AKAP13: variants seen among roughly 807,000 people sequenced by gnomAD.
AKAP13 encodes the protein A-kinase anchoring protein 13, also known as A-kinase anchor protein 13.
In AKAP13, 80 loss-of-function variants were observed where a neutral mutation model predicts 264.5. The ratio of observed to expected loss-of-function variants is 0.30; its 90% confidence interval spans 0.25 to 0.36. The LOEUF is 0.36. Among genes scored for constraint, AKAP13 ranks in the 10% least tolerant of loss-of-function variants. The pLI is 1.00. For missense variants in AKAP13, 3,712 were observed against 3,435.2 expected (o/e 1.08, Z -2.01); for synonymous variants, 1,380 against 1,250.2 (o/e 1.10, Z -2.19).
chr15:85,485,234 G>GT (rs1437406018), intron 1 of AKAP13, among the ~76,000 whole-genome samples: 2 of 152,176 alleles, frequency 1.3e-5, no homozygotes, highest in African/African-American at 4.8e-5. Flanking sequence ...GAGGCAAGCT[G>GT]TAGCCTCCCT....
chr15:85,479,416 A>T (rs1300389117), intron 1 of AKAP13, among the ~76,000 whole-genome samples: 1 of 152,216 alleles, frequency 6.6e-6, no homozygotes, highest in African/African-American at 2.4e-5. Context: ...GATTGACTGT[A>T]GCCCAGTCTT....
chr15:85,598,438 G>T (rs1325684489), intron 8 of AKAP13, among the ~76,000 whole-genome samples: 1 of 152,188 alleles, frequency 6.6e-6, no homozygotes, highest in South Asian at 2.1e-4. Flanking sequence ...ACTTGTCAGC[G>T]GGAGAGGCAT....
intron 35 of AKAP13, 28 bp downstream of exon 35, chr15:85,741,523 C>A: frequency 6.5e-7 from 1 of 1,541,014 alleles, no homozygotes; most frequent in Non-Finnish European, 8.7e-7. Context: ...CGAGAGCAAC[C>A]TAATGATGAT....
At chr15:85,719,786 T>C (rs561640794) in intron 23 of AKAP13, among the ~76,000 whole-genome samples, 2 of 151,738 alleles carry the variant, frequency 1.3e-5, no homozygotes, top group African/African-American at 2.4e-5. Context: ...AATACAAAAA[T>C]TAGCCAGGCG....
intron 5 of AKAP13, among the ~76,000 whole-genome samples, chr15:85,557,539 A>C (rs1038143594): frequency 2.0e-5 from 3 of 152,138 alleles, no homozygotes; most frequent in Non-Finnish European, 2.9e-5. Flanking sequence ...GTTGGAGTGC[A>C]GTGGCCCAGT....
At chr15:85,649,790 G>T (rs2082721183) in intron 10 of AKAP13, among the ~76,000 whole-genome samples, 1 of 152,076 alleles carries the variant, frequency 6.6e-6, no homozygotes. Flanking sequence ...AAAGTGAAAA[G>T]AAATCCTAGG....
chr15:85,398,868 A>G (rs1171605022), intron 1 of AKAP13, among the ~76,000 whole-genome samples: 2 of 152,146 alleles, frequency 1.3e-5, no homozygotes, highest in Non-Finnish European at 2.9e-5. Context: ...GCTATATAGT[A>G]TTTCCTTGTA....
chr15:85,491,723 G>A (rs2075735773), intron 2 of AKAP13, among the ~76,000 whole-genome samples: 1 of 151,918 alleles, frequency 6.6e-6, no homozygotes, highest in Non-Finnish European at 1.5e-5. Flanking sequence ...TTTAATAGTA[G>A]TCCTTTCATT....
rs765255347 is a variant in AKAP13, at chr15:85,645,874, G to C, written c.4294G>C (p.Val1432Leu). 6.2e-7 allele frequency: 1 copy of C among 1,613,142 alleles called. No homozygotes were observed. Among genetic ancestry groups the C allele is most frequent in the South Asian group, 1.1e-5 (1 of 91,068 alleles). The change falls in exon 10 of 37, where the codon GTA (valine) becomes CTA (leucine). Residue 1432 changes from valine (V) to leucine (L), a missense_variant. Val to Leu is a conservative substitution (Grantham distance 32). This residue lies in a region of AKAP13 where 2,759 missense variants were observed against 2,411.7 expected (regional missense o/e 1.14). Coordinates refer to ENST00000394518, the MANE Select transcript of AKAP13 (RefSeq NM_007200.5). ...CAGAGAGTGTACCTCAAAACAAGGT[G>C]TACTTAAAAGAGAATCTGGGAGTGA... ...LGRECTSKQG[V>L]LKRESGSDSD...
chr15:85,452,208 G>C (rs1354414200), intron 1 of AKAP13, among the ~76,000 whole-genome samples: 1 of 134,402 alleles, frequency 7.4e-6, no homozygotes, highest in Non-Finnish European at 1.6e-5. Context: ...AGCTCTGTCA[G>C]ATCCCTTAGG....
At chr15:85,400,281 A>G (rs531887966) in intron 1 of AKAP13, among the ~76,000 whole-genome samples, 1 of 152,116 alleles carries the variant, frequency 6.6e-6, no homozygotes, top group Non-Finnish European at 1.5e-5. Flanking sequence ...GTGGTGATGC[A>G]TGCCTATAGT....
intron 1 of AKAP13, among the ~76,000 whole-genome samples, chr15:85,442,140 G>A (rs1483408789): frequency 1.3e-5 from 2 of 151,812 alleles, no homozygotes; most frequent in South Asian, 2.1e-4. Context: ...GGCTGGGCGC[G>A]GTGGCTCATG....
At chr15:85,585,542 A>G (rs1178651079) in intron 7 of AKAP13, among the ~76,000 whole-genome samples, 160 bp from the exon 8 acceptor site, 2 of 152,204 alleles carry the variant, frequency 1.3e-5, no homozygotes, top group East Asian at 1.9e-4. Context: ...AGCTCAGCAT[A>G]GGGTCAGAAA....
Position 85,399,604 on chromosome 15 carries a change from T to G in AKAP13, c.-12+18806T>G, listed in dbSNP as rs547254544. Among the ~76,000 whole-genome samples the G allele has an allele frequency of 4.0e-5, 6 of 151,128 alleles. No homozygotes were observed. In the South Asian group the frequency reaches 1.3e-3, roughly 32 times the overall value. On this transcript the variant is annotated intron_variant, in intron 1 of 36. Transcript: ENST00000394518. ...ATTACTCATAGAATTACTGGATTAC[T>G]GGCAACCAAAGAAAAAATGAAAGAA...
At chr15:85,644,686 A>G (rs1317171979) in intron 9 of AKAP13, among the ~76,000 whole-genome samples, 20 of 89,634 alleles carry the variant, frequency 2.2e-4, no homozygotes, top group African/African-American at 8.5e-4. Context: ...CATCTCTACT[A>G]AAAATACAAA....
Position 85,748,351 on chromosome 15 carries a change from G to A in AKAP13, c.*3674G>A, listed in dbSNP as rs2089429404. 6.6e-6 allele frequency: 1 copy of A among 152,278 alleles called. No homozygotes were observed. Among genetic ancestry groups the A allele is most frequent in the South Asian group, 2.1e-4 (1 of 4,834 alleles). 9.4% of individuals were successfully genotyped at this position (152,278 alleles called of 1,614,324 possible). A position where few individuals can be genotyped will look rare whatever the true frequency, so the allele number is the denominator to read the frequency against. The stretch of plus-strand genomic sequence containing the variant: ...TCTGCGTTTTGGATGTCCTTGGAAT[G>A]TGGGAGCCTAGAAATAACCCTGTGG... On this transcript the variant is annotated 3_prime_UTR_variant, in exon 37 of 37. Transcript: ENST00000394518.
intron 5 of AKAP13, among the ~76,000 whole-genome samples, chr15:85,546,647 A>G (rs968990624): frequency 6.6e-6 from 1 of 152,022 alleles, no homozygotes; most frequent in African/African-American, 2.4e-5. Context: ...GTTTATGCAC[A>G]TGTTTTTCTG....
chr15:85,692,407 C>T (rs949203577), intron 16 of AKAP13, among the ~76,000 whole-genome samples: 6 of 152,018 alleles, frequency 3.9e-5, no homozygotes, highest in African/African-American at 1.5e-4. Flanking sequence ...TGTGATTACT[C>T]CCATTTGACA....
intron 8 of AKAP13, among the ~76,000 whole-genome samples, chr15:85,614,764 A>G (rs999252974): frequency 1.3e-5 from 2 of 152,236 alleles, no homozygotes; most frequent in Non-Finnish European, 2.9e-5. Context: ...GTGATGTTAT[A>G]TAACTGACTT....
Sources: gnomAD v4.1 joint callset for allele counts (sites outside exome capture counted in the v4.1 genomes callset) on GRCh38, gnomAD v4.1.1 for gene constraint, gnomAD v4.1.1 regional missense constraint, MANE v1.5 for transcripts, NCBI Gene and HGNC (gene_info 2026-07-23, HGNC 2026-07-21) for gene names.